Variants in NEXN observed in about 807,000 individuals in gnomAD.
NEXN encodes the protein nexilin.
In NEXN, 65 loss-of-function variants were observed where a neutral mutation model predicts 92.6. The ratio of observed to expected loss-of-function variants is 0.70; its 90% CI spans 0.57 to 0.86. NEXN has a LOEUF of 0.86. Ranked by LOEUF, NEXN falls within the 40% of genes least tolerant of loss-of-function variation. The probability of loss-of-function intolerance (pLI) is 0.00; values close to 1 mark genes in which losing one functional copy is unlikely to be tolerated. For synonymous variants in NEXN, 254 were observed against 242.5 expected, an observed-to-expected ratio of 1.05 and a Z score of -0.44; for missense variants, 778 against 771.1, an observed-to-expected ratio of 1.01 and a Z score of -0.11.
chr1:77,918,102 ACT>A (rs1491169388), intron 4 of NEXN, 21 bp from the exon 5 acceptor site: 2 of 1,613,376 alleles, frequency 1.2e-6, no homozygotes, highest in Admixed American at 3.3e-5. Context: ...CAAGTATCAA[ACT>A]TTTTTTTCAT....
rs1438848107 is a variant in NEXN, at chr1:77,936,155, T to C, written c.1473+111T>C. The C allele has an allele frequency of 3.9e-6, 3 of 770,186 alleles. No homozygotes were observed. In the African/African-American group the frequency reaches 5.3e-5, roughly 14 times the overall value. 47.7% of individuals were successfully genotyped at this position (770,186 alleles called of 1,614,324 possible). A position where few individuals can be genotyped will look rare whatever the true frequency, so the allele number is the denominator to read the frequency against. On this transcript the variant is annotated intron_variant, in intron 11 of 12. Coordinates refer to ENST00000334785, the MANE Select transcript of NEXN (RefSeq NM_144573.4). ...TAGTACTTAAAATTAATCATTGGTA[T>C]ATACAGTAATCTGGGAAGTAAATAG...
At chr1:77,894,479 C>T (rs555943171) in intron 1 of NEXN, among the ~76,000 whole-genome samples, 1 of 152,110 alleles carries the variant, frequency 6.6e-6, no homozygotes, top group East Asian at 1.9e-4. Context: ...CTCGATCTTT[C>T]ACCCAGGCTA....
intron 6 of NEXN, among the ~76,000 whole-genome samples, chr1:77,926,211 G>T (rs1047266264): frequency 6.6e-6 from 1 of 152,156 alleles, no homozygotes; most frequent in East Asian, 1.9e-4. Context: ...CTTGAACCTC[G>T]TCAGCAATGG....
chr1:77,935,931 A>G lies in NEXN; in HGVS notation c.1360A>G (p.Lys454Glu), dbSNP rs1322499749. Residue 454 changes from lysine (K) to glutamate (E), a missense_variant, in exon 11 of 13, where the codon AAA becomes GAA. Physicochemically the swap from Lys to Glu is moderately conservative, Grantham distance 56. Around this residue, in one of 3 missense-constraint regions of NEXN, gnomAD observed 532 missense variants for 476.7 expected, o/e 1.12. Transcript: ENST00000334785. ...QAKNLKSKFE[K>E]IGQLSEKEIQ... Reference sequence around the variant, plus strand: ...TAAAAACCTAAAAAGCAAGTTTGAAAAAATTGGACAGTTGTCTGAAAAAGA... The same window carrying G: ...TAAAAACCTAAAAAGCAAGTTTGAAGAAATTGGACAGTTGTCTGAAAAAGA... 4 of 1,614,050 alleles carry G rather than the reference A, an allele frequency of 2.5e-6. No individual in the cohort carries two copies. Among genetic ancestry groups the G allele is most frequent in the East Asian group, 2.2e-5 (1 of 44,866 alleles).
chr1:77,933,153 C>G, intron 9 of NEXN, 129 bp from the exon 10 acceptor site: 1 of 637,720 alleles, frequency 1.6e-6, no homozygotes, highest in African/African-American at 1.8e-5. Flanking sequence ...AAGAGTGAAA[C>G]TCCATCTCAA....
At chr1:77,938,589 CAAAAAA>C (rs11286873) in intron 11 of NEXN, among the ~76,000 whole-genome samples, 1 of 119,184 alleles carries the variant, frequency 8.4e-6, no homozygotes, top group Non-Finnish European at 1.8e-5. Context: ...AAGACTGTCT[CAAAAAA>C]AAAAAAAAAA....
At chr1:77,896,170 C>CAATAAATAAATA (rs60137071) in intron 1 of NEXN, among the ~76,000 whole-genome samples, 49,630 of 143,990 alleles carry the variant, frequency 0.34, 8,905 homozygotes, top group East Asian at 0.41. Flanking sequence ...GACTTTGTCT[C>CAATAAATAAATA]AATAAATAAA....
At chr1:77,922,896 CA>C (rs1649544980) in intron 5 of NEXN, among the ~76,000 whole-genome samples, 1 of 150,040 alleles carries the variant, frequency 6.7e-6, no homozygotes, top group African/African-American at 2.4e-5. Context: ...CGCCTGGCCA[CA>C]AAATTATTCT....
intron 1 of NEXN, among the ~76,000 whole-genome samples, chr1:77,896,765 A>C (rs1052468138): frequency 6.6e-6 from 1 of 152,140 alleles, no homozygotes; most frequent in African/African-American, 2.4e-5. Flanking sequence ...TCTAATTAAA[A>C]AAAAAAAAAT....
chr1:77,896,227 A>G (rs928180279), intron 1 of NEXN, among the ~76,000 whole-genome samples: 5 of 150,224 alleles, frequency 3.3e-5, no homozygotes, highest in African/African-American at 1.2e-4. Context: ...GTGACTCAGA[A>G]ACTGAGCTCA....
rs1647533368 is a variant in NEXN at position 77,899,658 on chromosome 1, TAAAATAAAAAAATAA to T, written c.-53+10912_-53+10926del. Reference sequence around the variant, plus strand: ...ATTAAAACTTAAAATATAATAATAATAAAATAAAAAAATAAAAAATAAAAAAACAAAAAACAAACA... The same window carrying T: ...ATTAAAACTTAAAATATAATAATAATAAAATAAAAAAACAAAAAACAAACA... On this transcript the variant is annotated intron_variant, in intron 1 of 12. Transcript: ENST00000334785. Among the ~76,000 whole-genome samples the T allele has an allele frequency of 4.6e-5, 7 of 150,730 alleles. No individual in the cohort carries two copies. In the South Asian group the frequency reaches 1.5e-3, roughly 32 times the overall value.
intron 1 of NEXN, among the ~76,000 whole-genome samples, chr1:77,895,029 A>ATTTTTTTTTTTTTTTTTTTTT (rs559226754): frequency 1.6e-5 from 1 of 61,654 alleles, no homozygotes; most frequent in African/African-American, 6.8e-5. Context: ...CTATAGTGTA[A>ATTTTTTTTTTTTTTTTTTTTT]TTTTTTTTTT....
intron 8 of NEXN, among the ~76,000 whole-genome samples, chr1:77,927,204 G>A (rs868367625): frequency 1.3e-5 from 2 of 151,892 alleles, no homozygotes; most frequent in African/African-American, 2.4e-5. Flanking sequence ...GAACTTAGGC[G>A]ATGGAGGTTG....
At chr1:77,897,036 A>T (rs1163414279) in intron 1 of NEXN, among the ~76,000 whole-genome samples, 2 of 152,216 alleles carry the variant, frequency 1.3e-5, no homozygotes, top group Non-Finnish European at 2.9e-5. Context: ...CCAACCAAAA[A>T]AAGTCCAGGA....
At chr1:77,920,712 A>G (rs1649356573) in intron 5 of NEXN, among the ~76,000 whole-genome samples, 1 of 151,692 alleles carries the variant, frequency 6.6e-6, no homozygotes, top group South Asian at 2.1e-4. Context: ...AAGAAACTTG[A>G]TTTGATATTA....
At chr1:77,891,747 TAAAAA>T (rs373772489) in intron 1 of NEXN, among the ~76,000 whole-genome samples, 35 of 128,986 alleles carry the variant, frequency 2.7e-4, no homozygotes, top group East Asian at 4.4e-4. Flanking sequence ...GGAAAAAAAG[TAAAAA>T]AAAAAAAAAA....
At chr1:77,901,544 C>T (rs1647711876) in intron 1 of NEXN, among the ~76,000 whole-genome samples, 1 of 152,176 alleles carries the variant, frequency 6.6e-6, no homozygotes, top group Admixed American at 6.5e-5. Flanking sequence ...TCTCTCTCAT[C>T]TTATTCTTCA....
chr1:77,913,344 G>C (rs1557970943), intron 1 of NEXN, among the ~76,000 whole-genome samples: 1 of 151,826 alleles, frequency 6.6e-6, no homozygotes, highest in Non-Finnish European at 1.5e-5. Flanking sequence ...GAACCCGGGA[G>C]GCGGAGGTTG....
rs149326169 is a variant in NEXN, at chr1:77,900,163, C to T, written c.-53+11404C>T. Among the ~76,000 whole-genome samples, 75 of 152,276 alleles carry T rather than the reference C, an allele frequency of 4.9e-4. 1 individual carries two copies. The East Asian group carries it at 0.014, about 28-fold the overall frequency. On this transcript the variant is annotated intron_variant, in intron 1 of 12. Transcript: ENST00000334785. ...ATAGACTGACTGGACAATTTTATAGCTCCCCAGATTTGCAATGGGTCACCA... is the reference window on the plus strand; with the variant it reads ...ATAGACTGACTGGACAATTTTATAGTTCCCCAGATTTGCAATGGGTCACCA...
Sources: allele counts gnomAD v4.1 joint callset (sites outside exome capture counted in the v4.1 genomes callset), GRCh38; gene constraint gnomAD v4.1.1; regional missense constraint gnomAD v4.1.1; transcripts MANE v1.5; gene names NCBI Gene and HGNC (gene_info 2026-07-23, HGNC 2026-07-21).